The following PINX1 variants were observed in gnomAD, a reference collection of about 807,000 sequenced individuals.
PINX1 encodes the protein PIN2/TERF1-interacting telomerase inhibitor 1.
Under a neutral mutation model 25.4 loss-of-function variants are expected in PINX1, and 34 were observed. The observed-to-expected ratio is 1.34, with a 90% CI of 1.02 to 1.78. PINX1 has a LOEUF of 1.78. Ranked by LOEUF, PINX1 falls within the 40% of genes most tolerant of loss-of-function variation. The pLI is 0.00. For synonymous variants in PINX1, 197 were observed against 147.7 expected, an observed-to-expected ratio of 1.33 and a Z score of -2.42; for missense variants, 592 against 404.9, an observed-to-expected ratio of 1.46 and a Z score of -3.97.
chr8:10,813,653 T>C (rs908536169), intron 6 of PINX1, among the ~76,000 whole-genome samples: 1 of 152,184 alleles, frequency 6.6e-6, no homozygotes, highest in African/African-American at 2.4e-5. Context: ...GATTATTGAT[T>C]TGGTATCCTG....
At chr8:10,775,410 G>GTTTTTTTTTTTTTTTTTTTTTTTTTTTTT (rs143926728) in intron 6 of PINX1, among the ~76,000 whole-genome samples, 2 of 109,594 alleles carry the variant, frequency 1.8e-5, no homozygotes, top group African/African-American at 3.2e-5. Flanking sequence ...CTGTTTTGTG[G>GTTTTTTTTTTTTTTTTTTTTTTTTTTTTT]TTTTTTTTTT....
In PINX1 at chr8:10,765,155, G is replaced by A. The variant is rs1252188095; in HGVS notation, c.*246C>T. 1 of 495,948 alleles carries A rather than the reference G, an allele frequency of 2.0e-6. No individual in the cohort carries two copies. The highest frequency in any genetic ancestry group is 3.8e-5 in the Admixed American group (1 of 26,648). The allele number at this position is 495,948 out of a possible 1,614,324, so 30.7% of individuals were successfully genotyped here. ...ATTATAATTAAACTCTCTTGCTGAA[G>A]GGCTCAGAGTTTACAAAAAAATTTA... is the stretch of plus-strand genomic sequence containing the variant. On this transcript the variant is annotated 3_prime_UTR_variant, in exon 7 of 7. Coordinates refer to ENST00000314787, the MANE Select transcript of PINX1 (RefSeq NM_017884.6).
Position 10,825,043 on chromosome 8 carries a change from G to A in PINX1, c.394+1109C>T, listed in dbSNP as rs549157020. Among the ~76,000 whole-genome samples, 18 of 152,232 alleles carry A rather than the reference G, an allele frequency of 1.2e-4. No individual in the cohort carries two copies. The South Asian group carries it at 1.2e-3, about 11-fold the overall frequency. ...AGAACGGAGGAAGCGGAAGAGCCAC[G>A]GCTGCTGGAGAGGGAAGGGAGGCCC... On this transcript the variant is annotated intron_variant, in intron 5 of 6. Coordinates refer to ENST00000314787, the MANE Select transcript of PINX1 (RefSeq NM_017884.6).
chr8:10,833,763 G>A (rs1412595381), intron 2 of PINX1: 2 of 165,872 alleles, frequency 1.2e-5, no homozygotes, highest in Admixed American at 1.3e-4. Flanking sequence ...CGGGAGGCTG[G>A]AGAAAAACGA....
intron 6 of PINX1, among the ~76,000 whole-genome samples, chr8:10,778,834 T>C (rs1347843247): frequency 6.6e-6 from 1 of 152,342 alleles, no homozygotes; most frequent in East Asian, 1.9e-4. Context: ...CATAGTTAAA[T>C]CTTTGTTTTG....
rs567083167 is a variant in PINX1, at chr8:10,824,394, C to T, written c.394+1758G>A. Among the ~76,000 whole-genome samples the T allele has an allele frequency of 1.1e-3, 174 of 152,300 alleles. 3 individuals are homozygous for T. The South Asian group carries it at 0.033, about 29-fold the overall frequency. On this transcript the variant is annotated intron_variant, in intron 5 of 6. Coordinates refer to ENST00000314787, the MANE Select transcript of PINX1 (RefSeq NM_017884.6). Reference sequence around the variant, plus strand: ...TCTCCCTTTCCTACGTAGGCCCAGTCTGCATGTCCTTCCCGTCTCCACTCC... The same window carrying T: ...TCTCCCTTTCCTACGTAGGCCCAGTTTGCATGTCCTTCCCGTCTCCACTCC...
intron 6 of PINX1, among the ~76,000 whole-genome samples, chr8:10,791,917 T>C (rs1801934969): frequency 6.6e-6 from 1 of 152,182 alleles, no homozygotes; most frequent in Non-Finnish European, 1.5e-5. Flanking sequence ...TTGAAGGCCC[T>C]GAGACCCCCA....
In PINX1 at chr8:10,832,881, C is replaced by T. The variant is rs1211844458; in HGVS notation, c.222+11G>A. 1 of 1,561,570 alleles carries T rather than the reference C, an allele frequency of 6.4e-7. No homozygotes were observed. The highest frequency in any genetic ancestry group is 8.8e-7 in the Non-Finnish European group (1 of 1,133,718). ...TGCAAAGACACCCAGGAGGCACACA[C>T]TGCTGCTCACTTCATTATTGATGGT... On this transcript the variant is annotated intron_variant, in intron 3 of 6. Transcript: ENST00000314787.
At chr8:10,806,880 G>C (rs1023874402) in intron 6 of PINX1, among the ~76,000 whole-genome samples, 1 of 152,140 alleles carries the variant, frequency 6.6e-6, no homozygotes, top group African/African-American at 2.4e-5. Flanking sequence ...CTTCTCTAGA[G>C]AAGCCAAGCC....
At chr8:10,809,598 TAA>T (rs1802562905) in intron 6 of PINX1, among the ~76,000 whole-genome samples, 1 of 152,342 alleles carries the variant, frequency 6.6e-6, no homozygotes, top group East Asian at 1.9e-4. Flanking sequence ...GTGGGTTCTC[TAA>T]GCTTCTTACC....
intron 6 of PINX1, among the ~76,000 whole-genome samples, chr8:10,774,874 G>A (rs553114697): frequency 9.2e-4 from 140 of 152,160 alleles, no homozygotes; most frequent in African/African-American, 3.1e-3. Context: ...AAAAGATACC[G>A]AAATTAGTAA....
At chr8:10,811,903 A>T (rs1346886915) in intron 6 of PINX1, among the ~76,000 whole-genome samples, 1 of 152,022 alleles carries the variant, frequency 6.6e-6, no homozygotes, top group Non-Finnish European at 1.5e-5. Flanking sequence ...AGGGGGCCAG[A>T]CTCCACCTCC....
At chr8:10,804,160 A>G (rs1418568427) in intron 6 of PINX1, among the ~76,000 whole-genome samples, 1 of 152,220 alleles carries the variant, frequency 6.6e-6, no homozygotes, top group Non-Finnish European at 1.5e-5. Context: ...GACAGTAATC[A>G]GCAAATTCAG....
chr8:10,792,194 C>G (rs1801945281), intron 6 of PINX1, among the ~76,000 whole-genome samples: 2 of 152,142 alleles, frequency 1.3e-5, no homozygotes, highest in African/African-American at 4.8e-5. Flanking sequence ...TCTCCCTGCA[C>G]TCTCCGCGCT....
At chr8:10,769,163 G>A (rs969271985) in intron 6 of PINX1, among the ~76,000 whole-genome samples, 14 of 152,116 alleles carry the variant, frequency 9.2e-5, no homozygotes, top group African/African-American at 2.9e-4. Context: ...TGCCAAATGT[G>A]ATTTAAGCTC....
intron 5 of PINX1, among the ~76,000 whole-genome samples, chr8:10,823,624 A>G (rs751745361): frequency 6.6e-6 from 1 of 152,208 alleles, no homozygotes; most frequent in Non-Finnish European, 1.5e-5. Flanking sequence ...AGTTAGAATT[A>G]TAAACTCAGG....
intron 6 of PINX1, among the ~76,000 whole-genome samples, chr8:10,781,107 T>C (rs1269823126): frequency 1.3e-5 from 2 of 152,206 alleles, no homozygotes; most frequent in African/African-American, 2.4e-5. Context: ...GGGGAAAGGA[T>C]AGTCTCTTTA....
chr8:10,803,533 G>T (rs1802337395), intron 6 of PINX1, among the ~76,000 whole-genome samples: 1 of 152,108 alleles, frequency 6.6e-6, no homozygotes, highest in Admixed American at 6.5e-5. Flanking sequence ...TAGAAATTGG[G>T]TCAATTGTTT....
chr8:10,821,658 G>C (rs1011875481), intron 5 of PINX1, among the ~76,000 whole-genome samples: 1 of 152,202 alleles, frequency 6.6e-6, no homozygotes, highest in African/African-American at 2.4e-5. Flanking sequence ...ACTCATCGGA[G>C]GTGTAGAGAT....
Sources: allele counts gnomAD v4.1 joint callset (sites outside exome capture counted in the v4.1 genomes callset), GRCh38; gene constraint gnomAD v4.1.1; transcripts MANE v1.5; gene names NCBI Gene and HGNC (gene_info 2026-07-23, HGNC 2026-07-21).